Variants in DRP2 observed in about 807,000 individuals in gnomAD.
DRP2 encodes dystrophin related protein 2.
In DRP2, 29 loss-of-function variants were observed where a neutral mutation model predicts 78.2. The observed-to-expected ratio is 0.37, with a 90% confidence interval of 0.28 to 0.51. The LOEUF is 0.51. Among genes scored for constraint, DRP2 ranks in the 20% least tolerant of loss-of-function variants. The pLI is 0.94. For missense variants in DRP2, 686 were observed against 770.6 expected, an observed-to-expected ratio of 0.89 and a Z score of 1.30; for synonymous variants, 290 against 281.9, an observed-to-expected ratio of 1.03 and a Z score of -0.29.
rs1166062150 is a variant in DRP2 at position 101,252,730 on chromosome X, A to G, written c.1977+14A>G. On this transcript the variant is annotated intron_variant, in intron 17 of 23. Transcript: ENST00000395209. ...TATTACACACCGGTATGAAGCCTCC[A>G]GGCTGGGTGGGAGGGTTAGGCAGCT... is the stretch of plus-strand genomic sequence containing the variant. 2.5e-6 allele frequency: 3 copies of G among 1,182,661 alleles called. No homozygotes were observed. Among genetic ancestry groups the G allele is most frequent in the Non-Finnish European group, 3.4e-6 (3 of 870,451 alleles).
intron 23 of DRP2, 71 bp from the exon 24 acceptor site, chrX:101,260,426 A>T: frequency 8.7e-7 from 1 of 1,155,679 alleles, no homozygotes; most frequent in Non-Finnish European, 1.2e-6. Flanking sequence ...AGCTGGCAGA[A>T]TTCTATCTGA....
chrX:101,224,186 T>TTTTTTTTTTG (rs1569507488), intron 1 of DRP2, among the ~76,000 whole-genome samples: 1 of 70,318 alleles, frequency 1.4e-5, no homozygotes, highest in African/African-American at 6.5e-5. Context: ...TGCTGGGTTT[T>TTTTTTTTTTG]TTTTGTTTTT....
In DRP2 at chrX:101,241,710, T is replaced by C; in HGVS notation, c.602T>C (p.Val201Ala). ...KQRIQNLSRFVWKQATVASEL... is the reference protein window; with the variant it reads ...KQRIQNLSRFAWKQATVASEL... ...CGGATCCAGAATCTCAGCCGCTTTG[T>C]ATGGAAGCAGGCGACGGTGGCCAGT... is the stretch of plus-strand genomic sequence containing the variant. The change falls in exon 7 of 24, where the codon GTA becomes GCA. Residue 201 changes from valine to alanine, a missense_variant. Physicochemically the swap from Val to Ala is moderately conservative, Grantham distance 64. Transcript: ENST00000395209. 2 of 1,211,820 alleles carry C rather than the reference T, an allele frequency of 1.7e-6. No homozygotes were observed. Among genetic ancestry groups the C allele is most frequent in the East Asian group, 3.0e-5 (1 of 33,852 alleles).
rs1471104950 is a variant in DRP2, at chrX:101,243,851, A to G, written c.1054+869A>G. Among the ~76,000 whole-genome samples, 2 of 112,016 alleles carry G rather than the reference A, an allele frequency of 1.8e-5. 1 individual carries two copies. Among genetic ancestry groups the G allele is most frequent in the Admixed American group, 1.9e-4 (2 of 10,497 alleles). On this transcript the variant is annotated intron_variant, in intron 9 of 23. Coordinates refer to ENST00000395209, the MANE Select transcript of DRP2 (RefSeq NM_001939.3). ...CAATTTTGAACAGGGTGGTTAGCAG[A>G]GGCCTCACTGAGAAGGTGGCAATTG...
chrX:101,242,474 A>G lies in DRP2; in HGVS notation c.975+3A>G. The G allele has an allele frequency of 8.3e-7, 1 of 1,207,351 alleles. No homozygotes were observed. The highest frequency in any genetic ancestry group is 1.1e-6 in the Non-Finnish European group (1 of 893,800). ...ACGTCCGATGGAAACAACTACAGGT[A>G]GAAGAGCAGCCTGGAGTGAACCATG... On this transcript the variant is annotated splice_donor_region_variant and intron_variant, in intron 8 of 23. Transcript: ENST00000395209.
intron 2 of DRP2, among the ~76,000 whole-genome samples, chrX:101,229,280 A>T (rs999549571): frequency 5.4e-5 from 6 of 112,053 alleles, no homozygotes; most frequent in Admixed American, 9.5e-5. Flanking sequence ...TCATTTTTTA[A>T]TCTAAGTGAC....
intron 16 of DRP2, chrX:101,251,847 C>T (rs1231899724): frequency 9.0e-6 from 1 of 111,704 alleles, no homozygotes; most frequent in Non-Finnish European, 1.9e-5. Context: ...TTATATTCCT[C>T]TCCTTCCCCA....
In DRP2 at chrX:101,224,181, GGTTTTTTTTGT is replaced by G. The variant is rs1921994608; in HGVS notation, c.-166-422_-166-412del. On this transcript the variant is annotated intron_variant, in intron 1 of 23. Transcript: ENST00000395209. Reference sequence around the variant, plus strand: ...TCCCAAGAATAATAAATGTTTGCTGGGTTTTTTTTGTTTTTTTTTTTTTTTTTTTTTTTTTT... The same window carrying G: ...TCCCAAGAATAATAAATGTTTGCTGGTTTTTTTTTTTTTTTTTTTTTTTTT... 1.7e-3 allele frequency among the ~76,000 whole-genome samples: 83 copies of G among 47,648 alleles called. 2 individuals carry two copies. Among genetic ancestry groups the G allele is most frequent in the African/African-American group, 9.3e-3 (76 of 8,186 alleles). The allele number at this position is 47,648 out of a possible 115,157, so 41.4% of individuals were successfully genotyped here.
chrX:101,250,726 T>G, intron 15 of DRP2, 146 bp downstream of exon 15: 1 of 933,210 alleles, frequency 1.1e-6, no homozygotes, highest in South Asian at 2.5e-5. Context: ...GGCAGAGGGT[T>G]CTCTGGGCTC....
chrX:101,229,067 G>A (rs769328264), intron 2 of DRP2, among the ~76,000 whole-genome samples: 6 of 112,223 alleles, frequency 5.3e-5, no homozygotes, highest in Non-Finnish European at 9.4e-5. Flanking sequence ...AAAGTTCATA[G>A]CTGTTAGTAA....
At chrX:101,234,820 A>G (rs927510744) in intron 3 of DRP2, among the ~76,000 whole-genome samples, 1 of 109,722 alleles carries the variant, frequency 9.1e-6, no homozygotes, top group African/African-American at 3.3e-5. Flanking sequence ...AATTGCCTGG[A>G]GAGTCTTGTG....
chrX:101,248,480 A>G (rs1297677139), intron 13 of DRP2, 34 bp from the exon 14 acceptor site: 19 of 1,165,759 alleles, frequency 1.6e-5, no homozygotes, highest in Non-Finnish European at 2.2e-5. Flanking sequence ...CTTTACATAC[A>G]TTCATATTCT....
chrX:101,232,079 G>A (rs928461954), intron 3 of DRP2, among the ~76,000 whole-genome samples: 9 of 110,676 alleles, frequency 8.1e-5, no homozygotes, highest in Middle Eastern at 4.7e-3. Flanking sequence ...TTCAGGGCAT[G>A]GTCTAGGACT....
intron 14 of DRP2, among the ~76,000 whole-genome samples, chrX:101,249,560 C>A (rs1260558417): frequency 1.8e-5 from 2 of 110,850 alleles, no homozygotes; most frequent in Non-Finnish European, 3.8e-5. Flanking sequence ...AAGTTCAAGT[C>A]CAGCCTAGAC....
chrX:101,237,203 C>A (rs1469813991), intron 4 of DRP2, among the ~76,000 whole-genome samples: 1 of 112,079 alleles, frequency 8.9e-6, no homozygotes, highest in Non-Finnish European at 1.9e-5. Context: ...TCGGAACAGC[C>A]TCTATGGTTG....
chrX:101,220,866 C>A (rs1369493854), intron 1 of DRP2, among the ~76,000 whole-genome samples: 1 of 111,771 alleles, frequency 8.9e-6, no homozygotes, highest in Non-Finnish European at 1.9e-5. Context: ...GGCATCTTTC[C>A]ACTCTTGAAA....
At chrX:101,259,621 C>T (rs1349541833) in intron 22 of DRP2, among the ~76,000 whole-genome samples, 1 of 111,744 alleles carries the variant, frequency 8.9e-6, no homozygotes, top group African/African-American at 3.3e-5. Context: ...GCCTCAGCCT[C>T]CCAAGTAGCT....
chrX:101,246,819 G>T (rs1391913721), intron 11 of DRP2, among the ~76,000 whole-genome samples: 1 of 112,121 alleles, frequency 8.9e-6, no homozygotes, highest in Admixed American at 9.4e-5. Context: ...TGATCAAAAA[G>T]CATTTGCAAG....
rs1220730652 is a variant in DRP2, at chrX:101,252,629, C to T, written c.1890C>T (p.Asn630=). The change falls in exon 17 of 24, where the codon AAC becomes AAT. Residue 630 remains asparagine (N), a synonymous_variant. Transcript: ENST00000395209. ...GGTACCGGAGTCTGAAGCAATTCAACGTTGACATCTGCCAGACCTGCTTCT... is the reference window on the plus strand; with the variant it reads ...GGTACCGGAGTCTGAAGCAATTCAATGTTGACATCTGCCAGACCTGCTTCT... ...GFRYRSLKQF[N]VDICQTCFLT... 8.3e-6 allele frequency: 10 copies of T among 1,211,739 alleles called. No homozygotes were observed. The highest frequency in any genetic ancestry group is 1.8e-5 in the South Asian group (1 of 56,962).
Sources: allele counts gnomAD v4.1 joint callset (sites outside exome capture counted in the v4.1 genomes callset), GRCh38; gene constraint gnomAD v4.1.1; transcripts MANE v1.5; gene names NCBI Gene and HGNC (gene_info 2026-07-23, HGNC 2026-07-21).